Variants in RBFOX1 observed in about 807,000 individuals in gnomAD.
RBFOX1 encodes the protein RNA binding fox-1 homolog 1, also known as RNA binding protein fox-1 homolog 1.
A neutral mutation model predicts 57.7 loss-of-function variants in RBFOX1; 8 were observed. The ratio of observed to expected loss-of-function variants is 0.14; its 90% CI spans 0.08 to 0.25. The LOEUF (loss-of-function observed/expected upper bound fraction) is 0.25, where lower values mean the gene tolerates loss of function less well. RBFOX1 is among the 10% of genes least tolerant of loss of function. The pLI, the probability that RBFOX1 is intolerant of heterozygous loss-of-function variation, is 1.00. For missense variants in RBFOX1, 611 were observed against 548.5 expected (o/e 1.11, Z -1.14); for synonymous variants, 326 against 222.4 (o/e 1.47, Z -4.15).
intron 5 of RBFOX1, among the ~76,000 whole-genome samples, chr16:7,562,495 A>G (rs1393650275): frequency 6.6e-6 from 1 of 152,168 alleles, no homozygotes; most frequent in Non-Finnish European, 1.5e-5. Flanking sequence ...ACCCTGGGCA[A>G]CTATGGAGAA....
intron 6 of RBFOX1, among the ~76,000 whole-genome samples, chr16:7,581,330 G>A (rs56331914): frequency 0.056 from 8,474 of 152,248 alleles, 780 homozygotes; most frequent in African/African-American, 0.19. Flanking sequence ...CAAAGTGAGA[G>A]TCGAGGTTAA....
At chr16:5,951,915 G>A (rs1459426981) in intron 4 of RBFOX1, among the ~76,000 whole-genome samples, 3 of 151,740 alleles carry the variant, frequency 2.0e-5, no homozygotes, top group African/African-American at 4.8e-5. Flanking sequence ...CTCTCAAGGT[G>A]TAGACTAATT....
At chr16:5,504,352 C>T (rs549801749) in intron 2 of RBFOX1, among the ~76,000 whole-genome samples, 12 of 152,368 alleles carry the variant, frequency 7.9e-5, no homozygotes, top group East Asian at 3.9e-4. Flanking sequence ...GGCTCTGCAA[C>T]GCTTGCCCAG....
intron 2 of RBFOX1, among the ~76,000 whole-genome samples, chr16:5,560,520 C>T (rs552490994): frequency 1.1e-4 from 17 of 152,266 alleles, no homozygotes; most frequent in African/African-American, 3.8e-4. Flanking sequence ...AGGGCAAGGC[C>T]CCTGGATTCC....
At chr16:6,120,918 G>A (rs1050405099) in intron 1 of RBFOX1, among the ~76,000 whole-genome samples, 17 of 152,208 alleles carry the variant, frequency 1.1e-4, no homozygotes, top group African/African-American at 3.1e-4. Flanking sequence ...AGAGGAGAAC[G>A]AAGTCTGGGG....
intron 4 of RBFOX1, chr16:7,510,062 T>C (rs1026245546): frequency 5.6e-5 from 46 of 826,714 alleles, no homozygotes; most frequent in African/African-American, 1.3e-4. Context: ...CAAGCTGTGA[T>C]TGATGGGCCA....
intron 3 of RBFOX1, among the ~76,000 whole-genome samples, chr16:6,737,536 T>C (rs1324648843): frequency 1.3e-5 from 2 of 152,218 alleles, no homozygotes; most frequent in African/African-American, 4.8e-5. Context: ...CTGGAAGTCA[T>C]TGCTGCTCAA....
chr16:7,204,726 A>G (rs923114798), intron 4 of RBFOX1, among the ~76,000 whole-genome samples: 1 of 152,162 alleles, frequency 6.6e-6, no homozygotes, highest in African/African-American at 2.4e-5. Flanking sequence ...GTATTTTTAG[A>G]GCGAGGCTTC....
intron 4 of RBFOX1, among the ~76,000 whole-genome samples, chr16:7,095,653 G>A (rs560655006): frequency 4.7e-4 from 71 of 152,292 alleles, no homozygotes; most frequent in African/African-American, 1.7e-3. Context: ...TGTGTTTACA[G>A]ATGATAATCA....
At chr16:6,252,536 C>T (rs551556577) in intron 1 of RBFOX1, among the ~76,000 whole-genome samples, 1 of 152,250 alleles carries the variant, frequency 6.6e-6, no homozygotes, top group South Asian at 2.1e-4. Flanking sequence ...GAAGGAATTC[C>T]AAAAGCCCCA....
chr16:5,771,922 C>G (rs558938185), intron 3 of RBFOX1, among the ~76,000 whole-genome samples: 2 of 152,076 alleles, frequency 1.3e-5, no homozygotes, highest in Non-Finnish European at 2.9e-5. Context: ...GCCTGTAATC[C>G]CAGCACTTTG....
chr16:6,499,452 G>A (rs1357541881), intron 2 of RBFOX1, among the ~76,000 whole-genome samples: 2 of 152,124 alleles, frequency 1.3e-5, no homozygotes, highest in Non-Finnish European at 2.9e-5. Context: ...TAGGTTAAGT[G>A]GGTATCACAC....
chr16:7,491,001 C>T (rs2066792065), intron 4 of RBFOX1, among the ~76,000 whole-genome samples: 2 of 152,122 alleles, frequency 1.3e-5, no homozygotes, highest in Non-Finnish European at 2.9e-5. Flanking sequence ...CCTTGGAAAA[C>T]TCTGAAAGCT....
intron 1 of RBFOX1, among the ~76,000 whole-genome samples, chr16:5,357,665 C>T (rs1250822190): frequency 6.6e-6 from 1 of 152,220 alleles, no homozygotes; most frequent in African/African-American, 2.4e-5. Flanking sequence ...AACCACACCC[C>T]AGGCTCTGGT....
chr16:7,683,896 A>G (rs1598016893), intron 14 of RBFOX1, among the ~76,000 whole-genome samples: 1 of 152,258 alleles, frequency 6.6e-6, no homozygotes, highest in Non-Finnish European at 1.5e-5. Flanking sequence ...AAGATAGAAT[A>G]TCTTAGCTCA....
chr16:6,745,393 GA>G (rs2073344392), intron 3 of RBFOX1, among the ~76,000 whole-genome samples: 1 of 152,108 alleles, frequency 6.6e-6, no homozygotes, highest in Non-Finnish European at 1.5e-5. Flanking sequence ...ATACCTATGT[GA>G]AAATTCTAAA....
At chr16:7,218,034 C>CGCGTGTGCGTGCATTTGCAT (rs542759245) in intron 4 of RBFOX1, among the ~76,000 whole-genome samples, 52 of 150,672 alleles carry the variant, frequency 3.5e-4, no homozygotes, top group African/African-American at 1.3e-3. Context: ...GGTGTGTGCG[C>CGCGTGTGCGTGCATTTGCAT]GCGTGTGCGT....
intron 3 of RBFOX1, among the ~76,000 whole-genome samples, chr16:6,836,955 G>A (rs889444100): frequency 2.6e-5 from 4 of 152,138 alleles, no homozygotes; most frequent in Non-Finnish European, 5.9e-5. Context: ...TAGAAGGGTG[G>A]AAGGATGGCT....
intron 5 of RBFOX1, among the ~76,000 whole-genome samples, chr16:7,563,561 G>A (rs891016622): frequency 1.3e-5 from 2 of 152,046 alleles, no homozygotes; most frequent in South Asian, 2.1e-4. Flanking sequence ...TCTGCCTCCC[G>A]GGTTCAGGCA....
Sources: allele counts gnomAD v4.1 joint callset (sites outside exome capture counted in the v4.1 genomes callset), GRCh38; gene constraint gnomAD v4.1.1; transcripts MANE v1.5; gene names NCBI Gene and HGNC (gene_info 2026-07-23, HGNC 2026-07-21).